Variants in RNF150 observed in about 807,000 individuals in gnomAD.
RNF150 encodes the protein ring finger protein 150.
In RNF150, 24 loss-of-function variants were observed where a neutral mutation model predicts 39.3. That is an observed-to-expected ratio of 0.61 (90% CI 0.44 to 0.86). RNF150 has a LOEUF of 0.86. Among genes scored for constraint, RNF150 ranks in the 40% least tolerant of loss-of-function variants. The probability of loss-of-function intolerance (pLI) is 0.00; values close to 1 mark genes in which losing one functional copy is unlikely to be tolerated. For missense variants in RNF150, 502 were observed against 587.8 expected, an observed-to-expected ratio of 0.85 and a Z score of 1.51; for synonymous variants, 255 against 227.3, an observed-to-expected ratio of 1.12 and a Z score of -1.10.
At chr4:141,195,192 A>C (rs1173331048) in intron 1 of RNF150, among the ~76,000 whole-genome samples, 1 of 152,030 alleles carries the variant, frequency 6.6e-6, no homozygotes, top group Non-Finnish European at 1.5e-5. Flanking sequence ...TACGAGGAAA[A>C]ATACTCGATT....
chr4:140,948,049 A>T (rs1732393635), intron 3 of RNF150, among the ~76,000 whole-genome samples: 3 of 152,214 alleles, frequency 2.0e-5, no homozygotes, highest in Admixed American at 2.0e-4. Context: ...TTTGTGGTGA[A>T]TCATCTGAAT....
At position 140,999,959 on chromosome 4, in the gene RNF150, A is replaced by G. The variant is rs1446906489; in HGVS notation, c.485-32086T>C. 3.4e-4 allele frequency among the ~76,000 whole-genome samples: 12 copies of G among 35,172 alleles called. 1 individual carries two copies. In the East Asian group the frequency reaches 4.6e-3, roughly 13 times the overall value. 23.1% of individuals were successfully genotyped at this position (35,172 alleles called of 152,430 possible). ...TCTCAAAAAAAGAAGAAGAAGAAGA[A>G]GAAGAAGAAGAAGAAGAAAAGAAGA... On this transcript the variant is annotated intron_variant, in intron 1 of 6. Transcript: ENST00000515673.
At chr4:141,150,374 C>T (rs753589115) in intron 1 of RNF150, among the ~76,000 whole-genome samples, 3 of 152,224 alleles carry the variant, frequency 2.0e-5, no homozygotes, top group South Asian at 2.1e-4. Context: ...CATCAGATTC[C>T]GATGGCTTCT....
intron 1 of RNF150, among the ~76,000 whole-genome samples, chr4:141,049,746 C>T (rs764813162): frequency 4.6e-5 from 7 of 151,898 alleles, no homozygotes; most frequent in Admixed American, 2.0e-4. Context: ...GTAAATTCAT[C>T]TATGGATATA....
intron 2 of RNF150, among the ~76,000 whole-genome samples, chr4:140,963,163 T>C (rs1011530438): frequency 6.6e-6 from 1 of 151,986 alleles, no homozygotes; most frequent in African/African-American, 2.4e-5. Flanking sequence ...GAATCAGATA[T>C]AAGCAATAAA....
At chr4:141,099,979 T>C (rs1259217327) in intron 1 of RNF150, among the ~76,000 whole-genome samples, 2 of 152,092 alleles carry the variant, frequency 1.3e-5, no homozygotes, top group Non-Finnish European at 2.9e-5. Context: ...GCTGATTAGG[T>C]TTTGATCAAT....
At chr4:141,145,580 A>G (rs995404375) in intron 1 of RNF150, among the ~76,000 whole-genome samples, 1 of 152,232 alleles carries the variant, frequency 6.6e-6, no homozygotes, top group African/African-American at 2.4e-5. Flanking sequence ...TTAGCATGGA[A>G]TAAGTTCTGT....
At chr4:140,961,218 G>A (rs1560988209) in intron 2 of RNF150, among the ~76,000 whole-genome samples, 1 of 152,118 alleles carries the variant, frequency 6.6e-6, no homozygotes. Flanking sequence ...GGCTTATAAT[G>A]TGAAGAACAT....
intron 1 of RNF150, among the ~76,000 whole-genome samples, chr4:141,096,569 G>A (rs1162185599): frequency 1.3e-5 from 2 of 152,130 alleles, no homozygotes; most frequent in East Asian, 1.9e-4. Context: ...CATTTTCAAA[G>A]TGCCTCCGAA....
At chr4:140,916,322 A>G (rs1030600996) in intron 5 of RNF150, among the ~76,000 whole-genome samples, 23 of 152,208 alleles carry the variant, frequency 1.5e-4, no homozygotes, top group African/African-American at 5.3e-4. Flanking sequence ...ATGGATAACT[A>G]GAATAACCAA....
intron 1 of RNF150, among the ~76,000 whole-genome samples, chr4:140,998,911 T>C (rs977249134): frequency 9.2e-5 from 14 of 152,176 alleles, no homozygotes; most frequent in African/African-American, 3.1e-4. Flanking sequence ...GTGAGCTTCA[T>C]ATTTGTGGAA....
At chr4:140,969,569 T>C (rs1228078479) in intron 1 of RNF150, among the ~76,000 whole-genome samples, 1 of 152,106 alleles carries the variant, frequency 6.6e-6, no homozygotes, top group Non-Finnish European at 1.5e-5. Context: ...GTGAGGCTCA[T>C]CCTGGTGCTG....
chr4:141,173,217 A>G (rs948228998), intron 1 of RNF150, among the ~76,000 whole-genome samples: 1 of 152,146 alleles, frequency 6.6e-6, no homozygotes, highest in African/African-American at 2.4e-5. Context: ...TTTCTCTTAT[A>G]TTATTAGTTA....
intron 1 of RNF150, among the ~76,000 whole-genome samples, chr4:141,190,664 C>G (rs1431250389): frequency 2.6e-5 from 4 of 152,080 alleles, no homozygotes; most frequent in Non-Finnish European, 4.4e-5. Context: ...CACAAAAACT[C>G]CCAGAAAATA....
intron 1 of RNF150, among the ~76,000 whole-genome samples, chr4:141,159,689 T>C (rs1727478027): frequency 6.6e-6 from 1 of 152,080 alleles, no homozygotes; most frequent in Non-Finnish European, 1.5e-5. Context: ...ACTACAGCTG[T>C]ATGTGACCAC....
In RNF150 at chr4:140,949,320, G is replaced by A. The variant is rs1388563656; in HGVS notation, c.788C>T (p.Thr263Ile). The A allele has an allele frequency of 6.2e-7, 1 of 1,612,262 alleles. No homozygotes were observed. The highest frequency in any genetic ancestry group is 1.7e-5 in the Admixed American group (1 of 59,908). ...KKAISKLQIR[T>I]IKKGDKETES... is the part of the protein sequence containing the mutation. Reference sequence around the variant, plus strand: ...TATTACCTTGTCACCCTTCTTGATGGTCCTGATCTGGAGTTTGCTGATGGC... The same window carrying A: ...TATTACCTTGTCACCCTTCTTGATGATCCTGATCTGGAGTTTGCTGATGGC... Residue 263 changes from threonine (T) to isoleucine (I), a missense_variant, in exon 3 of 7, where the codon ACC becomes ATC. By Grantham distance (89) the Thr-to-Ile change is moderately conservative. Coordinates refer to ENST00000515673, the MANE Select transcript of RNF150 (RefSeq NM_020724.2).
In RNF150 at chr4:141,059,603, TTGAG is replaced by T. The variant is rs1737132256; in HGVS notation, c.484+72718_484+72721del. 2.6e-5 allele frequency among the ~76,000 whole-genome samples: 4 copies of T among 152,134 alleles called. No homozygotes were observed. The South Asian group carries it at 6.2e-4, about 24-fold the overall frequency. ...CTTTCCTAACATTAAAAACCTTGTA[TTGAG>T]TATCATCAATTAATCATTAAGAATT... On this transcript the variant is annotated intron_variant, in intron 1 of 6. Coordinates refer to ENST00000515673, the MANE Select transcript of RNF150 (RefSeq NM_020724.2).
At chr4:140,874,070 G>T (rs1729054056) in intron 6 of RNF150, among the ~76,000 whole-genome samples, 1 of 152,056 alleles carries the variant, frequency 6.6e-6, no homozygotes, top group Non-Finnish European at 1.5e-5. Context: ...AGCCTAAACT[G>T]TGGTTAACCA....
At chr4:140,915,311 A>G (rs544029376) in intron 5 of RNF150, among the ~76,000 whole-genome samples, 1 of 152,374 alleles carries the variant, frequency 6.6e-6, no homozygotes, top group Non-Finnish European at 1.5e-5. Flanking sequence ...TCAGTTCGAT[A>G]TAGCAAGTAT....
Sources: allele counts gnomAD v4.1 joint callset (sites outside exome capture counted in the v4.1 genomes callset), GRCh38; gene constraint gnomAD v4.1.1; transcripts MANE v1.5; gene names NCBI Gene and HGNC (gene_info 2026-07-23, HGNC 2026-07-21).